The following PTPRN2 variants were observed in gnomAD, a reference collection of about 807,000 sequenced individuals.
PTPRN2 encodes protein tyrosine phosphatase receptor type N2, also known as receptor-type tyrosine-protein phosphatase N2.
A neutral mutation model predicts 118.8 loss-of-function variants in PTPRN2; 74 were observed. The observed-to-expected ratio is 0.62, with a 90% CI of 0.52 to 0.76. The LOEUF is 0.76. Ranked by LOEUF, PTPRN2 falls within the 30% of genes least tolerant of loss-of-function variation. PTPRN2 has a pLI of 0.00. For synonymous variants in PTPRN2, 641 were observed against 608.0 expected (o/e 1.05, Z -0.80); for missense variants, 1,481 against 1,394.4 (o/e 1.06, Z -0.99).
At chr7:158,092,890 G>A (rs1016104355) in intron 10 of PTPRN2, among the ~76,000 whole-genome samples, 3 of 152,154 alleles carry the variant, frequency 2.0e-5, no homozygotes, top group African/African-American at 7.2e-5. Context: ...CAAACCAAGA[G>A]AGCACGCTGC....
chr7:158,438,238 C>G lies in PTPRN2; in HGVS notation c.163+51497G>C, dbSNP rs1375133775. On this transcript the variant is annotated intron_variant, in intron 2 of 22. Transcript: ENST00000389418. This position sits in a 1 kb window ranked among gnomAD's most constrained non-coding sequence, Gnocchi z 4.7. ...ACTAAAAATACAAAAATTAGCCAGG[C>G]GTGGTGGTGCATGCCTGTAATCCCA... 6.6e-6 allele frequency among the ~76,000 whole-genome samples: 1 copy of G among 151,888 alleles called. No homozygotes were observed. The highest frequency in any genetic ancestry group is 2.4e-5 in the African/African-American group (1 of 41,330).
chr7:157,663,475 C>T (rs748660288), intron 13 of PTPRN2, among the ~76,000 whole-genome samples: 6 of 152,364 alleles, frequency 3.9e-5, no homozygotes, highest in South Asian at 4.1e-4. Context: ...GTCTGCTGCG[C>T]TCACGGGGAA....
intron 3 of PTPRN2, among the ~76,000 whole-genome samples, chr7:158,206,999 C>T (rs2150751773): frequency 7.2e-6 from 1 of 138,084 alleles, no homozygotes; most frequent in Non-Finnish European, 1.5e-5. Context: ...TGATGTTCCC[C>T]TTCCTGTGTC....
intron 12 of PTPRN2, among the ~76,000 whole-genome samples, chr7:157,805,074 A>G (rs1805544411): frequency 6.6e-6 from 1 of 152,144 alleles, no homozygotes; most frequent in African/African-American, 2.4e-5. Flanking sequence ...AATACCCACA[A>G]AGGCCACAGG....
rs1563053370 is a variant in PTPRN2 at position 158,262,284 on chromosome 7, TCA to T, written c.277+54533_277+54534del. Among the ~76,000 whole-genome samples, 3 of 151,720 alleles carry T rather than the reference TCA, an allele frequency of 2.0e-5. No homozygotes were observed. The East Asian group carries it at 5.8e-4, about 29-fold the overall frequency. On this transcript the variant is annotated intron_variant, in intron 3 of 22. Transcript: ENST00000389418. The stretch of plus-strand genomic sequence containing the variant: ...CACACTGCAACACATATACACACAT[TCA>T]CACACACCGCACACACATTCACACA...
At chr7:158,047,561 G>A (rs1405923029) in intron 11 of PTPRN2, among the ~76,000 whole-genome samples, 1 of 150,090 alleles carries the variant, frequency 6.7e-6, no homozygotes, top group Non-Finnish European at 1.5e-5. Context: ...CAGTCACTGA[G>A]TGTGTGAGGC....
Position 158,274,339 on chromosome 7 carries a change from G to A in PTPRN2, c.277+42480C>T, listed in dbSNP as rs1353755289. ...CGCAGCCACAGGGGGAGCCGCAGAC[G>A]CGGGAGAGCCACAGACACAGGGGGA... On this transcript the variant is annotated intron_variant, in intron 3 of 22. Coordinates refer to ENST00000389418, the MANE Select transcript of PTPRN2 (RefSeq NM_002847.5). Among the ~76,000 whole-genome samples the A allele has an allele frequency of 0.024, 47 of 1,996 alleles. No homozygotes were observed. In the East Asian group the frequency reaches 0.27, roughly 11 times the overall value. The allele number at this position is 1,996 out of a possible 152,430, so 1.3% of individuals were successfully genotyped here.
chr7:157,915,511 C>T (rs1798348496), intron 11 of PTPRN2, among the ~76,000 whole-genome samples: 1 of 149,892 alleles, frequency 6.7e-6, no homozygotes, highest in Admixed American at 6.7e-5. Flanking sequence ...GTTTACCATC[C>T]TCCAGCCCAA....
chr7:157,574,700 A>G (rs1799931735), intron 19 of PTPRN2, among the ~76,000 whole-genome samples: 2 of 152,272 alleles, frequency 1.3e-5, no homozygotes. Context: ...TTGTTCAAAG[A>G]TAAGAAACGC....
intron 2 of PTPRN2, among the ~76,000 whole-genome samples, chr7:158,384,113 C>A (rs983283615): frequency 6.6e-6 from 1 of 152,202 alleles, no homozygotes; most frequent in Non-Finnish European, 1.5e-5. Flanking sequence ...TCATGATTTG[C>A]GTGCACCAAC....
chr7:157,620,866 G>A (rs1299241514), intron 15 of PTPRN2, among the ~76,000 whole-genome samples: 4 of 151,672 alleles, frequency 2.6e-5, no homozygotes, highest in South Asian at 2.1e-4. Context: ...TGTTTCCCCC[G>A]CCTGTAACCC....
Position 157,977,152 on chromosome 7 carries a change from A to G in PTPRN2, c.1724-78415T>C, listed in dbSNP as rs1802816315. ...ATTAGTTAACTGATTAACGAAATGC[A>G]TATTCATTAAGCACACCTGTAGAGA... On this transcript the variant is annotated intron_variant, in intron 11 of 22. Coordinates refer to ENST00000389418, the MANE Select transcript of PTPRN2 (RefSeq NM_002847.5). The surrounding 1 kb of genome is among the most constrained non-coding windows in gnomAD (Gnocchi z 4.6). Among the ~76,000 whole-genome samples the G allele has an allele frequency of 6.6e-6, 1 of 151,952 alleles. No homozygotes were observed. The highest frequency in any genetic ancestry group is 1.5e-5 in the Non-Finnish European group (1 of 67,956).
chr7:157,625,607 A>T (rs1803520252), intron 14 of PTPRN2, among the ~76,000 whole-genome samples: 1 of 152,190 alleles, frequency 6.6e-6, no homozygotes, highest in Non-Finnish European at 1.5e-5. Flanking sequence ...GAGGGATAAA[A>T]GATTAACAAA....
At chr7:158,332,546 C>G (rs1405456132) in intron 2 of PTPRN2, among the ~76,000 whole-genome samples, 1 of 151,758 alleles carries the variant, frequency 6.6e-6, no homozygotes, top group African/African-American at 2.4e-5. Context: ...CATCCATACT[C>G]TCACCATAAG....
chr7:158,586,821 G>T (rs1240999283), intron 1 of PTPRN2, among the ~76,000 whole-genome samples: 1 of 152,196 alleles, frequency 6.6e-6, no homozygotes, highest in Non-Finnish European at 1.5e-5. Flanking sequence ...GCCCCTCGCG[G>T]CACACGCGGC....
intron 9 of PTPRN2, among the ~76,000 whole-genome samples, chr7:158,133,411 G>T (rs1818537413): frequency 6.6e-6 from 1 of 152,200 alleles, no homozygotes; most frequent in South Asian, 2.1e-4. Flanking sequence ...CCCAGGAAGG[G>T]ATTTGCTTGG....
intron 3 of PTPRN2, among the ~76,000 whole-genome samples, chr7:158,314,500 A>C (rs1563123554): frequency 2.0e-5 from 3 of 152,264 alleles, no homozygotes; most frequent in South Asian, 4.1e-4. Flanking sequence ...TGCCCTGCCA[A>C]GCCTGGCACT....
In PTPRN2 at chr7:158,525,984, G is replaced by A. The variant is rs1462711059; in HGVS notation, c.113-36199C>T. Among the ~76,000 whole-genome samples the A allele has an allele frequency of 6.6e-6, 1 of 152,178 alleles. No homozygotes were observed. Among genetic ancestry groups the A allele is most frequent in the Non-Finnish European group, 1.5e-5 (1 of 68,030 alleles). ...CCGACAATGCCCCCCCATTGACTCG[G>A]CTCTCTGCAGACCTGCAGACCTGCA... On this transcript the variant is annotated intron_variant, in intron 1 of 22. Coordinates refer to ENST00000389418, the MANE Select transcript of PTPRN2 (RefSeq NM_002847.5). This position sits in a 1 kb window ranked among gnomAD's most constrained non-coding sequence, Gnocchi z 4.1.
At chr7:158,406,779 A>G (rs965008801) in intron 2 of PTPRN2, among the ~76,000 whole-genome samples, 1 of 152,062 alleles carries the variant, frequency 6.6e-6, no homozygotes, top group Non-Finnish European at 1.5e-5. Context: ...AATGCTCCTG[A>G]TTTTGTTTTT....
Sources: gnomAD v4.1 joint callset for allele counts (sites outside exome capture counted in the v4.1 genomes callset) on GRCh38, gnomAD v4.1.1 for gene constraint, Gnocchi (gnomAD v3.1) non-coding constraint, MANE v1.5 for transcripts, NCBI Gene and HGNC (gene_info 2026-07-23, HGNC 2026-07-21) for gene names.